The following MTA1 variants were observed in gnomAD, a reference collection of about 807,000 sequenced individuals.
The protein encoded by MTA1 is metastasis-associated protein MTA1.
MTA1 carries 15 observed loss-of-function variants against 97.0 expected under a neutral mutation model. The observed-to-expected ratio is 0.15, with a 90% confidence interval of 0.10 to 0.24. MTA1 has a LOEUF of 0.24. Among genes scored for constraint, MTA1 ranks in the 10% least tolerant of loss-of-function variants. MTA1 has a pLI of 1.00. For synonymous variants in MTA1, 435 were observed against 417.5 expected, an observed-to-expected ratio of 1.04 and a Z score of -0.51; for missense variants, 709 against 1,015.1, an observed-to-expected ratio of 0.70 and a Z score of 4.10.
intron 1 of MTA1, among the ~76,000 whole-genome samples, chr14:105,437,686 G>A (rs933771154): frequency 3.9e-5 from 6 of 152,316 alleles, no homozygotes; most frequent in South Asian, 2.1e-4. Flanking sequence ...AGGCCTGTGC[G>A]GGCCTCTGGG....
chr14:105,467,131 T>C, intron 18 of MTA1: 1 of 385,268 alleles, frequency 2.6e-6, no homozygotes, highest in South Asian at 2.2e-5. Flanking sequence ...GGGAGGGTGG[T>C]CGGGGGTGTC....
chr14:105,461,613 T>C (rs2083350119), intron 10 of MTA1, among the ~76,000 whole-genome samples: 2 of 152,246 alleles, frequency 1.3e-5, no homozygotes, highest in Middle Eastern at 3.4e-3. Context: ...GTGGCTAGTA[T>C]CTGATGAAAG....
chr14:105,456,295 G>A (rs781839939), intron 7 of MTA1, among the ~76,000 whole-genome samples: 10 of 152,250 alleles, frequency 6.6e-5, no homozygotes, highest in Non-Finnish European at 1.3e-4. Flanking sequence ...CTCAGCTGGC[G>A]CATCTGTACC....
intron 10 of MTA1, among the ~76,000 whole-genome samples, chr14:105,461,457 C>T (rs1307159044): frequency 3.9e-5 from 6 of 152,174 alleles, no homozygotes; most frequent in African/African-American, 9.7e-5. Context: ...ACCCTCCAAC[C>T]GTCAGCCCTC....
At chr14:105,431,921 C>T (rs1163635137) in intron 1 of MTA1, among the ~76,000 whole-genome samples, 2 of 152,286 alleles carry the variant, frequency 1.3e-5, no homozygotes, top group South Asian at 2.1e-4. Flanking sequence ...GCACTACACC[C>T]GGCCTGTGGA....
rs374847368 is a variant in MTA1, at chr14:105,445,552, G to T, written c.190+41G>T. 144 of 1,606,056 alleles carry T rather than the reference G, an allele frequency of 9.0e-5. 1 individual carries two copies. Among genetic ancestry groups the T allele is most frequent in the Middle Eastern group, 4.9e-4 (3 of 6,068 alleles). The stretch of plus-strand genomic sequence containing the variant: ...CCTGGGGTGCCCGCCTGGCGGGAGG[G>T]TCGGCTGGGGAGGGCTGGCGGGGTC... On this transcript the variant is annotated intron_variant, in intron 3 of 20. Transcript: ENST00000331320.
At chr14:105,430,737 G>A (rs139908661) in intron 1 of MTA1, among the ~76,000 whole-genome samples, 239 of 152,278 alleles carry the variant, frequency 1.6e-3, no homozygotes, top group Non-Finnish European at 2.2e-3. Context: ...AAACTGGCCC[G>A]CTGCCTGTTT....
intron 3 of MTA1, chr14:105,449,013 A>G (rs919234285): frequency 7.5e-6 from 2 of 265,408 alleles, no homozygotes; most frequent in African/African-American, 4.5e-5. Flanking sequence ...AGGAATCCCC[A>G]TGCTGCTGGC....
chr14:105,458,346 G>A lies in MTA1; in HGVS notation c.627G>A (p.Gln209=). 6.2e-7 allele frequency: 1 copy of A among 1,612,784 alleles called. No homozygotes were observed. Among genetic ancestry groups the A allele is most frequent in the Non-Finnish European group, 8.5e-7 (1 of 1,179,948 alleles). ...WEAHNPLTDK[Q]IDQFLVVARS... is the part of the protein sequence containing the mutation. Reference sequence around the variant, plus strand: ...CGCACAACCCACTCACAGACAAGCAGATCGACCAGTTCCTGGTGGTGGCCC... The same window carrying A: ...CGCACAACCCACTCACAGACAAGCAAATCGACCAGTTCCTGGTGGTGGCCC... The change falls in exon 8 of 21, where the codon CAG becomes CAA. Residue 209 remains glutamine, a synonymous_variant. Coordinates refer to ENST00000331320, the MANE Select transcript of MTA1 (RefSeq NM_004689.4).
rs782391905 is a variant in MTA1 at position 105,445,508 on chromosome 14, G to T, written c.187G>T (p.Ala63Ser). 2 of 1,613,216 alleles carry T rather than the reference G, an allele frequency of 1.2e-6. No homozygotes were observed. Among genetic ancestry groups the T allele is most frequent in the South Asian group, 2.2e-5 (2 of 91,064 alleles). ...CCTCATCGCCCTGGCCGACAAGCAC[G>T]CAAGTGAGTCCGGCCTTCCCTGGGG... ...STLIALADKHATLSVCYKAGP... is the reference protein window; with the variant it reads ...STLIALADKHSTLSVCYKAGP... The change falls in exon 3 of 21, where the codon GCA (alanine) becomes TCA (serine). Residue 63 changes from alanine to serine, a missense_variant. This residue lies in a region of MTA1 where 321 missense variants were observed against 593.5 expected (regional missense o/e 0.54). Coordinates refer to ENST00000331320, the MANE Select transcript of MTA1 (RefSeq NM_004689.4).
In MTA1 at chr14:105,463,394, C is replaced by T; in HGVS notation, c.1018-99C>T. On this transcript the variant is annotated intron_variant, in intron 11 of 20. Transcript: ENST00000331320. The surrounding 1 kb of genome is among the most constrained non-coding windows in gnomAD (Gnocchi z 5.9). ...CCTGAGTCCCTGGCCCGGCTGTCCT[C>T]TCCGTGGTGCTCTCCTCTCCGTAGC... The T allele has an allele frequency of 1.3e-6, 2 of 1,508,138 alleles. No individual in the cohort carries two copies. Among genetic ancestry groups the T allele is most frequent in the South Asian group, 1.1e-5 (1 of 88,248 alleles). The allele number at this position is 1,508,138 out of a possible 1,614,324, so 93.4% of individuals were successfully genotyped here. A position where few individuals can be genotyped will look rare whatever the true frequency, so the allele number is the denominator to read the frequency against.
chr14:105,432,027 A>T (rs189426559), intron 1 of MTA1, among the ~76,000 whole-genome samples: 1 of 152,140 alleles, frequency 6.6e-6, no homozygotes, highest in Admixed American at 6.5e-5. Context: ...CTGTGAATTA[A>T]AAAAAAACCT....
chr14:105,454,276 G>A lies in MTA1; in HGVS notation c.516G>A (p.Arg172=), dbSNP rs2083057909. ...AAGGAGAGATTCGAGTAGGAAACCG[G>A]TACCAGGCAGACATCACCGACTTGT... is the stretch of plus-strand genomic sequence containing the variant. The part of the protein sequence containing the change: ...ADKGEIRVGN[R]YQADITDLLK... Residue 172 remains arginine, a synonymous_variant, in exon 7 of 21, where the codon CGG becomes CGA. Transcript: ENST00000331320. 2 of 1,613,500 alleles carry A rather than the reference G, an allele frequency of 1.2e-6. No individual in the cohort carries two copies. Among genetic ancestry groups the A allele is most frequent in the Admixed American group, 1.7e-5 (1 of 59,984 alleles).
chr14:105,420,192 C>A lies in MTA1; in HGVS notation c.28+129C>A. On this transcript the variant is annotated intron_variant, in intron 1 of 20. Transcript: ENST00000331320. The surrounding 1 kb of genome is among the most constrained non-coding windows in gnomAD (Gnocchi z 5.3). ...CCGCCCGCCCTCGCGGCCCCCGGCT[C>A]CTTCCCGAACCGCCCCCCGCCGTGC... is the stretch of plus-strand genomic sequence containing the variant. The A allele has an allele frequency of 2.6e-6, 1 of 385,222 alleles. No homozygotes were observed. The highest frequency in any genetic ancestry group is 3.6e-6 in the Non-Finnish European group (1 of 279,302). The allele number at this position is 385,222 out of a possible 1,614,324, so 23.9% of individuals were successfully genotyped here. A position where few individuals can be genotyped will look rare whatever the true frequency, so the allele number is the denominator to read the frequency against.
chr14:105,448,921 G>C (rs1272928878), intron 3 of MTA1: 1 of 156,114 alleles, frequency 6.4e-6, no homozygotes, highest in Non-Finnish European at 1.4e-5. Flanking sequence ...GGTGCTGAGC[G>C]TGCGAGGGGC....
In MTA1 at chr14:105,464,802, C is replaced by T. The variant is rs1555432157; in HGVS notation, c.1473C>T (p.Arg491=). ...IARRLCREIL[R]PWHAARHPYL... ...GGCGCCTGTGCCGTGAGATCCTGCGCCCGTGGCACGCTGCGCGGCACCCCT... is the reference window on the plus strand; with the variant it reads ...GGCGCCTGTGCCGTGAGATCCTGCGTCCGTGGCACGCTGCGCGGCACCCCT... The change falls in exon 15 of 21, where the codon CGC becomes CGT. Residue 491 remains arginine (R), a synonymous_variant. Coordinates refer to ENST00000331320, the MANE Select transcript of MTA1 (RefSeq NM_004689.4). The T allele has an allele frequency of 6.2e-7, 1 of 1,604,670 alleles. No homozygotes were observed.
chr14:105,449,326 CG>C (rs1567024204), intron 3 of MTA1, 32 bp from the exon 4 acceptor site: 3 of 1,605,834 alleles, frequency 1.9e-6, no homozygotes, highest in South Asian at 2.2e-5. Flanking sequence ...CTGTGCTGAC[CG>C]TGCTGCCGGG....
chr14:105,422,015 G>T lies in MTA1; in HGVS notation c.28+1952G>T, dbSNP rs2081853843. On this transcript the variant is annotated intron_variant, in intron 1 of 20. Coordinates refer to ENST00000331320, the MANE Select transcript of MTA1 (RefSeq NM_004689.4). This position sits in a 1 kb window ranked among gnomAD's most constrained non-coding sequence, Gnocchi z 4.3. ...TTTTCCTGTGATGAGGAGCATGGGA[G>T]GTTGGGTGCTGTCTGCTGGCAGCAC... Among the ~76,000 whole-genome samples the T allele has an allele frequency of 6.6e-6, 1 of 152,244 alleles. No individual in the cohort carries two copies.
At chr14:105,464,925 C>A (rs782719201) in intron 15 of MTA1, 62 bp downstream of exon 15, 2 of 1,495,706 alleles carry the variant, frequency 1.3e-6, no homozygotes, top group Non-Finnish European at 1.8e-6. Flanking sequence ...GAGCAGCAAC[C>A]TTGGGGCCCA....
Sources: allele counts gnomAD v4.1 joint callset (sites outside exome capture counted in the v4.1 genomes callset), GRCh38; gene constraint gnomAD v4.1.1; regional missense constraint gnomAD v4.1.1; non-coding constraint Gnocchi (gnomAD v3.1); transcripts MANE v1.5; gene names NCBI Gene and HGNC (gene_info 2026-07-23, HGNC 2026-07-21).